LINGO2: variants seen among roughly 807,000 people sequenced by gnomAD.
LINGO2 encodes the protein leucine-rich repeat and immunoglobulin-like domain-containing nogo receptor-interacting protein 2.
In LINGO2, 14 loss-of-function variants were observed where a neutral mutation model predicts 30.6. The ratio of observed to expected loss-of-function variants is 0.46; its 90% CI spans 0.30 to 0.72. The LOEUF (loss-of-function observed/expected upper bound fraction) is 0.72. Among genes scored for constraint, LINGO2 ranks in the 30% least tolerant of loss-of-function variants. The pLI is 0.07. For synonymous variants in LINGO2, 317 were observed against 288.5 expected (o/e 1.10, Z -1.00); for missense variants, 729 against 751.7 (o/e 0.97, Z 0.35).
At chr9:28,873,444 C>G in the LINGO2 span, among the ~76,000 whole-genome samples, 4 of 151,110 alleles carry the variant, frequency 2.6e-5, no homozygotes, top group Non-Finnish European at 5.9e-5. Flanking sequence ...TACCAAGCCA[C>G]TGTTCAAGAA....
chr9:28,057,592 C>T (rs1563949722), intron 4 of LINGO2, among the ~76,000 whole-genome samples: 2 of 145,592 alleles, frequency 1.4e-5, no homozygotes, highest in African/African-American at 5.0e-5. Context: ...TATGTATATA[C>T]ATATATATAC....
chr9:28,483,412 G>A (rs1003366342), intron 1 of LINGO2, among the ~76,000 whole-genome samples: 1 of 151,964 alleles, frequency 6.6e-6, no homozygotes, highest in Admixed American at 6.6e-5. Context: ...CTAGAGATGC[G>A]GTGTGACCCT....
intron 4 of LINGO2, among the ~76,000 whole-genome samples, chr9:28,023,829 GC>G (rs924804501): frequency 2.0e-5 from 3 of 152,054 alleles, no homozygotes; most frequent in Non-Finnish European, 4.4e-5. Context: ...AAAGTATGGG[GC>G]CCCCTAAGAT....
the LINGO2 span, among the ~76,000 whole-genome samples, chr9:28,749,652 C>A: frequency 3.8e-4 from 58 of 151,782 alleles, 1 homozygote; most frequent in African/African-American, 1.4e-3. Context: ...ATAAAGAGAG[C>A]ACTTCAGAGG....
chr9:28,427,372 T>G (rs2134921499), intron 2 of LINGO2, among the ~76,000 whole-genome samples: 1 of 152,254 alleles, frequency 6.6e-6, no homozygotes, highest in South Asian at 2.1e-4. Flanking sequence ...TGTGTATGAA[T>G]ACGATCACTT....
the LINGO2 span, among the ~76,000 whole-genome samples, chr9:28,886,750 T>C: frequency 6.6e-6 from 1 of 152,144 alleles, no homozygotes; most frequent in East Asian, 1.9e-4. Context: ...AATCCTAGAA[T>C]GAATTCAATA....
At chr9:28,861,739 G>C in the LINGO2 span, among the ~76,000 whole-genome samples, 2 of 151,760 alleles carry the variant, frequency 1.3e-5, no homozygotes, top group Non-Finnish European at 2.9e-5. Flanking sequence ...ACCCCAGCCA[G>C]GGCAACATAT....
intron 4 of LINGO2, chr9:28,149,192 A>C: frequency 8.0e-7 from 1 of 1,256,944 alleles, no homozygotes; most frequent in Non-Finnish European, 1.1e-6. Context: ...GCTTAGGAGG[A>C]GAAAGAAGAG....
chr9:28,673,540 G>A (rs1829099792), upstream of LINGO2, among the ~76,000 whole-genome samples: 1 of 151,846 alleles, frequency 6.6e-6, no homozygotes, highest in Non-Finnish European at 1.5e-5. Flanking sequence ...GGTGGCACGT[G>A]CCTGTAATTC....
At chr9:28,144,386 C>T (rs1827756932) in intron 4 of LINGO2, among the ~76,000 whole-genome samples, 1 of 152,112 alleles carries the variant, frequency 6.6e-6, no homozygotes, top group Non-Finnish European at 1.5e-5. Flanking sequence ...TATACTAACC[C>T]ATTGAATAAA....
At chr9:28,626,280 T>C (rs556483944) in intron 1 of LINGO2, among the ~76,000 whole-genome samples, 116 of 152,228 alleles carry the variant, frequency 7.6e-4, no homozygotes, top group African/African-American at 2.3e-3. Context: ...TGTCTTCATA[T>C]TGTTGAGTTG....
chr9:29,211,557 C>CCTTCTCTTCTCTTCTCTTCTCTTCT, the LINGO2 span, among the ~76,000 whole-genome samples: 10 of 150,870 alleles, frequency 6.6e-5, no homozygotes, highest in South Asian at 1.9e-3. Context: ...TCCTTCTCAT[C>CCTTCTCTTCTCTTCTCTTCTCTTCT]CTTCTCTTCT....
At chr9:29,118,151 A>G in the LINGO2 span, among the ~76,000 whole-genome samples, 12 of 152,164 alleles carry the variant, frequency 7.9e-5, no homozygotes, top group East Asian at 1.9e-3. Flanking sequence ...GAGTTTCTTC[A>G]TTGCTGTTGG....
At chr9:28,752,557 T>C in the LINGO2 span, among the ~76,000 whole-genome samples, 41 of 152,196 alleles carry the variant, frequency 2.7e-4, no homozygotes, top group African/African-American at 8.7e-4. Flanking sequence ...GTATCAAAAC[T>C]CTGTGAAATA....
chr9:28,812,698 C>A, the LINGO2 span, among the ~76,000 whole-genome samples: 1 of 152,126 alleles, frequency 6.6e-6, no homozygotes, highest in African/African-American at 2.4e-5. Context: ...AGAAAGGCTT[C>A]TTCTCACGAT....
At chr9:28,255,071 G>T (rs1822337479) in intron 4 of LINGO2, among the ~76,000 whole-genome samples, 1 of 152,026 alleles carries the variant, frequency 6.6e-6, no homozygotes. Flanking sequence ...CTTAGTAAAT[G>T]ATACTTATTC....
intron 1 of LINGO2, among the ~76,000 whole-genome samples, chr9:28,595,446 T>A (rs758866666): frequency 2.6e-5 from 4 of 152,098 alleles, no homozygotes; most frequent in African/African-American, 4.8e-5. Flanking sequence ...AAAGTGTTTC[T>A]GACACAAAGG....
chr9:28,886,016 A>T, the LINGO2 span, among the ~76,000 whole-genome samples: 1 of 152,296 alleles, frequency 6.6e-6, no homozygotes, highest in African/African-American at 2.4e-5. Context: ...ATATTTGGCT[A>T]TTTATTTTCC....
At chr9:28,453,580 G>C (rs2135083579) in intron 2 of LINGO2, among the ~76,000 whole-genome samples, 1 of 151,984 alleles carries the variant, frequency 6.6e-6, no homozygotes, top group African/African-American at 2.4e-5. Context: ...AAGTTAAAAA[G>C]CTTTAAAATC....
Sources: gnomAD v4.1 joint callset for allele counts (sites outside exome capture counted in the v4.1 genomes callset) on GRCh38, gnomAD v4.1.1 for gene constraint, MANE v1.5 for transcripts, NCBI Gene and HGNC (gene_info 2026-07-23, HGNC 2026-07-21) for gene names.